Variants in ZNF592 observed in about 807,000 individuals in gnomAD.
ZNF592 encodes zinc finger protein 592.
A neutral mutation model predicts 80.3 loss-of-function variants in ZNF592; 11 were observed. That is an observed-to-expected ratio of 0.14 (90% confidence interval 0.09 to 0.23). ZNF592 has a LOEUF of 0.23. Among genes scored for constraint, ZNF592 ranks in the 10% least tolerant of loss-of-function variants. The probability of loss-of-function intolerance (pLI) is 1.00; values close to 1 mark genes in which losing one functional copy is unlikely to be tolerated. For missense variants in ZNF592, 1,420 were observed against 1,633.9 expected, an observed-to-expected ratio of 0.87 and a Z score of 2.26; for synonymous variants, 646 against 640.3, an observed-to-expected ratio of 1.01 and a Z score of -0.13.
In ZNF592 at chr15:84,804,358, C is replaced by G. The variant is rs763772565; in HGVS notation, c.*1965C>G. Reference sequence around the variant, plus strand: ...GGGTTTGAAATGACTGGCTGGATCCCTTCCTGCTCAGACACAGTGGTAGCT... The same window carrying G: ...GGGTTTGAAATGACTGGCTGGATCCGTTCCTGCTCAGACACAGTGGTAGCT... On this transcript the variant is annotated 3_prime_UTR_variant, in exon 11 of 11. Coordinates refer to ENST00000560079, the MANE Select transcript of ZNF592 (RefSeq NM_014630.3). 6.6e-6 allele frequency: 1 copy of G among 152,258 alleles called. No individual in the cohort carries two copies. The highest frequency in any genetic ancestry group is 1.5e-5 in the Non-Finnish European group (1 of 68,060). The allele number at this position is 152,258 out of a possible 1,614,324, so 9.4% of individuals were successfully genotyped here. A position where few individuals can be genotyped will look rare whatever the true frequency, so the allele number is the denominator to read the frequency against.
In ZNF592 at chr15:84,784,520, A is replaced by G. The variant is rs1004457168; in HGVS notation, c.1845A>G (p.Val615=). The change falls in exon 4 of 11, where the codon GTA becomes GTG. Residue 615 remains valine, a synonymous_variant. Transcript: ENST00000560079. This position sits in a 1 kb window ranked among gnomAD's most constrained non-coding sequence, Gnocchi z 5.8. ...HYGRRSVHIE[V]LCTLCSKTLL... ...GCCGGCGGAGCGTCCACATTGAGGTACTGTGCACACTGTGCTCCAAGACGC... is the reference window on the plus strand; with the variant it reads ...GCCGGCGGAGCGTCCACATTGAGGTGCTGTGCACACTGTGCTCCAAGACGC... The G allele has an allele frequency of 1.2e-6, 2 of 1,614,198 alleles. No individual in the cohort carries two copies. Among genetic ancestry groups the G allele is most frequent in the Non-Finnish European group, 1.7e-6 (2 of 1,180,048 alleles).
chr15:84,798,967 C>T lies in ZNF592; in HGVS notation c.3024+92C>T, dbSNP rs2141524672. 1 of 1,592,008 alleles carries T rather than the reference C, an allele frequency of 6.3e-7. No homozygotes were observed. On this transcript the variant is annotated intron_variant, in intron 8 of 10. Transcript: ENST00000560079. The surrounding 1 kb of genome is among the most constrained non-coding windows in gnomAD (Gnocchi z 4.5). ...CCCCTAGGGTTCCTGGTGCTTAGGG[C>T]AGGGTGGGTACCACAGATCTTGAGG...
intron 2 of ZNF592, among the ~76,000 whole-genome samples, chr15:84,769,030 T>C (rs1799478727): frequency 6.6e-6 from 1 of 152,136 alleles, no homozygotes; most frequent in Non-Finnish European, 1.5e-5. Context: ...AACCTCCACT[T>C]CCTGAGTTCA....
intron 4 of ZNF592, among the ~76,000 whole-genome samples, chr15:84,789,893 G>A (rs939624256): frequency 2.6e-5 from 4 of 152,140 alleles, no homozygotes; most frequent in South Asian, 2.1e-4. Flanking sequence ...AGGCACCAGC[G>A]AAGTCTTTTA....
At chr15:84,791,790 A>G (rs7166082) in intron 5 of ZNF592, among the ~76,000 whole-genome samples, 1 of 152,264 alleles carries the variant, frequency 6.6e-6, no homozygotes, top group Non-Finnish European at 1.5e-5. Flanking sequence ...AGGGGAAACC[A>G]TACCTGGCAA....
intron 10 of ZNF592, among the ~76,000 whole-genome samples, chr15:84,800,278 C>T (rs1963052708): frequency 6.6e-6 from 1 of 152,218 alleles, no homozygotes; most frequent in Admixed American, 6.5e-5. Flanking sequence ...ATACCATTCT[C>T]TTTCTGCTTC....
chr15:84,784,027 G>A lies in ZNF592; in HGVS notation c.1352G>A (p.Ser451Asn). 3 of 1,611,876 alleles carry A rather than the reference G, an allele frequency of 1.9e-6. No homozygotes were observed. Among genetic ancestry groups the A allele is most frequent in the African/African-American group, 2.7e-5 (2 of 74,972 alleles). The stretch of plus-strand genomic sequence containing the variant: ...CAGGGGGCCAGGAAAGGGGACGAGA[G>A]CATGACAAAGGCCAGTGACTCGTCA... The part of the protein sequence containing the change: ...SPQGARKGDE[S>N]MTKASDSSSP... Residue 451 changes from serine (S) to asparagine (N), a missense_variant, in exon 4 of 11, where the codon AGC (serine) becomes AAC (asparagine). By Grantham distance (46) the Ser-to-Asn change is conservative. Coordinates refer to ENST00000560079, the MANE Select transcript of ZNF592 (RefSeq NM_014630.3). This position sits in a 1 kb window ranked among gnomAD's most constrained non-coding sequence, Gnocchi z 5.8.
chr15:84,775,079 C>T (rs1360212402), intron 2 of ZNF592, among the ~76,000 whole-genome samples: 2 of 151,808 alleles, frequency 1.3e-5, no homozygotes, highest in African/African-American at 4.8e-5. Flanking sequence ...CAGCACCTGG[C>T]CACTGTTTTC....
chr15:84,771,505 G>T (rs1899700935), intron 2 of ZNF592, among the ~76,000 whole-genome samples: 3 of 152,262 alleles, frequency 2.0e-5, no homozygotes, highest in African/African-American at 7.2e-5. Context: ...CTGGCAAGTG[G>T]CTGGAGAGGG....
chr15:84,799,210 G>A lies in ZNF592; in HGVS notation c.3137G>A (p.Gly1046Glu), dbSNP rs1963023402. The change falls in exon 9 of 11, where the codon GGG becomes GAG. Residue 1046 changes from glycine (G) to glutamate (E), a missense_variant and splice_region_variant. This residue lies in a region of ZNF592 where 331 missense variants were observed against 347.0 expected (regional missense o/e 0.95). Coordinates refer to ENST00000560079, the MANE Select transcript of ZNF592 (RefSeq NM_014630.3). The surrounding 1 kb of genome is among the most constrained non-coding windows in gnomAD (Gnocchi z 4.2). ...ACAGTAAAGAAGTTCTACACCTGCG[G>A]GTGAGTCCCTGGGGATAGTAGTGAG... ...HDTVKKFYTC[G>E]YCTEDSPSFP... 1.2e-6 allele frequency: 2 copies of A among 1,614,122 alleles called. No individual in the cohort carries two copies. Among genetic ancestry groups the A allele is most frequent in the Non-Finnish European group, 1.7e-6 (2 of 1,179,978 alleles).
chr15:84,795,757 C>G (rs1250270764), intron 5 of ZNF592, among the ~76,000 whole-genome samples: 13 of 152,048 alleles, frequency 8.5e-5, no homozygotes, highest in Non-Finnish European at 1.0e-4. Context: ...GAATAGAAAC[C>G]CTAATTTAAA....
At chr15:84,755,399 T>C (rs1285677969) in intron 1 of ZNF592, among the ~76,000 whole-genome samples, 1 of 152,172 alleles carries the variant, frequency 6.6e-6, no homozygotes, top group Non-Finnish European at 1.5e-5. Context: ...CTTGAGTAGC[T>C]GGGACTATAG....
At chr15:84,767,548 G>A (rs1899565639) in intron 2 of ZNF592, among the ~76,000 whole-genome samples, 1 of 152,188 alleles carries the variant, frequency 6.6e-6, no homozygotes. Flanking sequence ...ACAAAGTGTG[G>A]TGCTAGGTTA....
At chr15:84,776,213 A>G (rs973416788) in intron 2 of ZNF592, among the ~76,000 whole-genome samples, 2 of 152,204 alleles carry the variant, frequency 1.3e-5, no homozygotes, top group Admixed American at 1.3e-4. Context: ...AGGCCAGGCC[A>G]TGGTTCCTGG....
intron 1 of ZNF592, among the ~76,000 whole-genome samples, chr15:84,754,976 T>A (rs1899125600): frequency 6.7e-6 from 1 of 149,830 alleles, no homozygotes; most frequent in Non-Finnish European, 1.5e-5. Context: ...TTTTTTTTTT[T>A]TTTTTTCATG....
Position 84,798,360 on chromosome 15 carries a change from G to A in ZNF592, c.2622G>A (p.Arg874=), listed in dbSNP as rs750848671. Residue 874 remains arginine, a synonymous_variant, in exon 7 of 11, where the codon AGG becomes AGA. Coordinates refer to ENST00000560079, the MANE Select transcript of ZNF592 (RefSeq NM_014630.3). This position sits in a 1 kb window ranked among gnomAD's most constrained non-coding sequence, Gnocchi z 4.5. ...CSCEMVFNKK[R]HIQQHFYQNV... ...GTGAAATGGTCTTCAACAAGAAGAG[G>A]CACATTCAGCAGCATTTTTACCAGA... 1.5e-5 allele frequency: 24 copies of A among 1,614,230 alleles called. No individual in the cohort carries two copies. The highest frequency in any genetic ancestry group is 2.0e-5 in the Non-Finnish European group (24 of 1,180,040).
intron 2 of ZNF592, among the ~76,000 whole-genome samples, chr15:84,773,113 T>C (rs1380703134): frequency 1.3e-5 from 2 of 152,126 alleles, no homozygotes; most frequent in African/African-American, 4.8e-5. Context: ...CATTTATATA[T>C]TTTTTTAAAG....
Position 84,798,975 on chromosome 15 carries a change from G to A in ZNF592, c.3024+100G>A. The A allele has an allele frequency of 6.3e-7, 1 of 1,591,896 alleles. No individual in the cohort carries two copies. The highest frequency in any genetic ancestry group is 8.6e-7 in the Non-Finnish European group (1 of 1,164,046). On this transcript the variant is annotated intron_variant, in intron 8 of 10. Transcript: ENST00000560079. This position sits in a 1 kb window ranked among gnomAD's most constrained non-coding sequence, Gnocchi z 4.5. ...GTTCCTGGTGCTTAGGGCAGGGTGG[G>A]TACCACAGATCTTGAGGTCTTCGGG...
chr15:84,783,850 C>T lies in ZNF592; in HGVS notation c.1175C>T (p.Thr392Ile), dbSNP rs780922120. The T allele has an allele frequency of 1.2e-6, 2 of 1,614,084 alleles. No homozygotes were observed. The highest frequency in any genetic ancestry group is 1.7e-6 in the Non-Finnish European group (2 of 1,180,046). The change falls in exon 4 of 11, where the codon ACA becomes ATA. Residue 392 changes from threonine to isoleucine, a missense_variant. Coordinates refer to ENST00000560079, the MANE Select transcript of ZNF592 (RefSeq NM_014630.3). The surrounding 1 kb of genome is among the most constrained non-coding windows in gnomAD (Gnocchi z 5.0). ...TSSGEIKRTV[T>I]RILPDPDDPS... ...TCAGGGGAAATCAAACGGACTGTCA[C>T]AAGGATCCTGCCAGATCCTGATGAT... is the stretch of plus-strand genomic sequence containing the variant.
Sources: allele counts gnomAD v4.1 joint callset (sites outside exome capture counted in the v4.1 genomes callset), GRCh38; gene constraint gnomAD v4.1.1; regional missense constraint gnomAD v4.1.1; non-coding constraint Gnocchi (gnomAD v3.1); transcripts MANE v1.5; gene names NCBI Gene and HGNC (gene_info 2026-07-23, HGNC 2026-07-21).